Variants in BACE2 observed in about 807,000 individuals in gnomAD.
BACE2 encodes the protein beta-secretase 2.
BACE2 carries 17 observed loss-of-function variants against 46.2 expected under a neutral mutation model. The observed-to-expected ratio is 0.37, with a 90% CI of 0.25 to 0.55. The LOEUF (loss-of-function observed/expected upper bound fraction) is 0.55, where lower values mean the gene tolerates loss of function less well. Among genes scored for constraint, BACE2 ranks in the 20% least tolerant of loss-of-function variants. The pLI, the probability that BACE2 is intolerant of heterozygous loss-of-function variation, is 0.82. For missense variants in BACE2, 595 were observed against 698.1 expected, an observed-to-expected ratio of 0.85 and a Z score of 1.66; for synonymous variants, 277 against 295.9, an observed-to-expected ratio of 0.94 and a Z score of 0.66.
At chr21:41,252,868 A>C (rs1987679234) in intron 7 of BACE2, among the ~76,000 whole-genome samples, 2 of 152,054 alleles carry the variant, frequency 1.3e-5, no homozygotes, top group African/African-American at 2.4e-5. Flanking sequence ...AAAAGGAGAG[A>C]TCTTGGGGAA....
At chr21:41,176,726 C>T (rs1485466830) in intron 1 of BACE2, 1 of 152,180 alleles carries the variant, frequency 6.6e-6, no homozygotes, top group African/African-American at 2.4e-5. Flanking sequence ...CTAGGGGTCT[C>T]ATTCTGAGGC....
At chr21:41,182,339 C>T (rs570127812) in intron 1 of BACE2, 3 of 167,188 alleles carry the variant, frequency 1.8e-5, no homozygotes, top group East Asian at 3.9e-4. Context: ...TTAACAATAC[C>T]TGATAAGGCC....
chr21:41,215,160 A>G (rs1323602659), intron 1 of BACE2, among the ~76,000 whole-genome samples: 3 of 152,118 alleles, frequency 2.0e-5, no homozygotes, highest in Non-Finnish European at 4.4e-5. Context: ...GGAGGAGAGA[A>G]AGAGAGAAAG....
intron 2 of BACE2, among the ~76,000 whole-genome samples, chr21:41,233,568 C>T (rs1987027082): frequency 6.6e-6 from 1 of 152,238 alleles, no homozygotes; most frequent in South Asian, 2.1e-4. Flanking sequence ...TTCTTACTAA[C>T]ACTACAAATT....
rs2088517680 is a variant in BACE2, at chr21:41,278,946, T to A, written c.*3322T>A. ...CAAATAATGGAGTGGAATCCCCATGTGTTTTCTCTTGCACAAACTTATTAG... is the reference window on the plus strand; with the variant it reads ...CAAATAATGGAGTGGAATCCCCATGAGTTTTCTCTTGCACAAACTTATTAG... On this transcript the variant is annotated 3_prime_UTR_variant, in exon 9 of 9. Transcript: ENST00000330333. The A allele has an allele frequency of 6.6e-6, 1 of 152,238 alleles. No homozygotes were observed. Among genetic ancestry groups the A allele is most frequent in the East Asian group, 1.9e-4 (1 of 5,200 alleles). The allele number at this position is 152,238 out of a possible 1,614,324, so 9.4% of individuals were successfully genotyped here. A position where few individuals can be genotyped will look rare whatever the true frequency, so the allele number is the denominator to read the frequency against.
At chr21:41,179,816 T>G (rs531854583) in intron 1 of BACE2, 4 of 465,736 alleles carry the variant, frequency 8.6e-6, no homozygotes, top group South Asian at 7.8e-5. Context: ...TGTCCTGGGC[T>G]GCTTTCTCCA....
chr21:41,233,246 C>T (rs949995136), intron 2 of BACE2, among the ~76,000 whole-genome samples: 1 of 152,182 alleles, frequency 6.6e-6, no homozygotes, highest in African/African-American at 2.4e-5. Flanking sequence ...GTGTTCCAAG[C>T]TTTTGTTCTA....
chr21:41,192,925 A>G (rs1395268799), intron 1 of BACE2, among the ~76,000 whole-genome samples: 4 of 152,272 alleles, frequency 2.6e-5, no homozygotes, highest in Admixed American at 1.3e-4. Flanking sequence ...TAGAAGGAAT[A>G]TCTTGACAAG....
At chr21:41,257,080 T>A in intron 7 of BACE2, 78 bp from the exon 8 acceptor site, 2 of 1,564,214 alleles carry the variant, frequency 1.3e-6, no homozygotes, top group Non-Finnish European at 1.8e-6. Flanking sequence ...TGAGCATGCG[T>A]GTGACCTCAG....
chr21:41,215,754 G>C (rs111745172), intron 1 of BACE2, among the ~76,000 whole-genome samples: 18 of 152,282 alleles, frequency 1.2e-4, no homozygotes, highest in Middle Eastern at 6.8e-3. Context: ...TGTAAAGTGG[G>C]GATCTGTCTA....
In BACE2 at chr21:41,257,344, C is replaced by T. The variant is rs1568889903; in HGVS notation, c.1303+18C>T. The stretch of plus-strand genomic sequence containing the variant: ...CTGTGCAGGTGAGCGATTCTGGCAT[C>T]GAACAGGGATCCCCGACAAGAGTCC... On this transcript the variant is annotated intron_variant, in intron 8 of 8. Transcript: ENST00000330333. 5.6e-6 allele frequency: 9 copies of T among 1,610,200 alleles called. No individual in the cohort carries two copies. The highest frequency in any genetic ancestry group is 2.2e-5 in the East Asian group (1 of 44,798).
intron 2 of BACE2, 36 bp downstream of exon 2, chr21:41,226,390 G>A: frequency 6.4e-7 from 1 of 1,562,936 alleles, no homozygotes; most frequent in Non-Finnish European, 8.7e-7. Flanking sequence ...TGCTGGGCCG[G>A]GGCACTGCAT....
At chr21:41,235,291 A>G (rs2123590583) in intron 2 of BACE2, among the ~76,000 whole-genome samples, 1 of 152,362 alleles carries the variant, frequency 6.6e-6, no homozygotes, top group South Asian at 2.1e-4. Context: ...TTAGAAAAAG[A>G]AACATTTTTC....
rs372472410 is a variant in BACE2, at chr21:41,226,305, G to T, written c.352G>T (p.Val118Leu). 1.2e-6 allele frequency: 2 copies of T among 1,613,850 alleles called. No homozygotes were observed. Among genetic ancestry groups the T allele is most frequent in the Non-Finnish European group, 8.5e-7 (1 of 1,179,988 alleles). ...TGACACTGGAAGCAGTAACTTTGCC[G>T]TGGCAGGAACCCCGCACTCCTACAT... Reference protein sequence around the residue: ...LVDTGSSNFAVAGTPHSYIDT... With the variant: ...LVDTGSSNFALAGTPHSYIDT... The change falls in exon 2 of 9, where the codon GTG becomes TTG. Residue 118 changes from valine (V) to leucine (L), a missense_variant. By Grantham distance (32) the Val-to-Leu change is conservative. Transcript: ENST00000330333.
At chr21:41,220,161 T>A (rs952674342) in intron 1 of BACE2, among the ~76,000 whole-genome samples, 2 of 146,720 alleles carry the variant, frequency 1.4e-5, no homozygotes, top group African/African-American at 5.5e-5. Flanking sequence ...AAGATACAGA[T>A]GAAGAGATGT....
intron 3 of BACE2, among the ~76,000 whole-genome samples, chr21:41,238,128 G>A (rs1338689417): frequency 6.6e-6 from 1 of 152,338 alleles, no homozygotes; most frequent in South Asian, 2.1e-4. Flanking sequence ...ATGCAGGCAG[G>A]GGGTGGTGCC....
At chr21:41,174,830 G>A (rs1467144784) in intron 1 of BACE2, among the ~76,000 whole-genome samples, 1 of 152,158 alleles carries the variant, frequency 6.6e-6, no homozygotes, top group Non-Finnish European at 1.5e-5. Context: ...GGGTCACCCT[G>A]TTTGCCCAGC....
At chr21:41,244,863 C>CTGTGTGTGTGTG (rs58015507) in intron 5 of BACE2, among the ~76,000 whole-genome samples, 3 of 150,512 alleles carry the variant, frequency 2.0e-5, no homozygotes, top group Non-Finnish European at 3.0e-5. Flanking sequence ...TACAAAACCT[C>CTGTGTGTGTGTG]TGTGTGTGTG....
chr21:41,264,578 G>C (rs1204022705), intron 8 of BACE2, among the ~76,000 whole-genome samples: 1 of 152,072 alleles, frequency 6.6e-6, no homozygotes, highest in Non-Finnish European at 1.5e-5. Context: ...TCTTCACGTG[G>C]CCAGAGCAAG....
Sources: gnomAD v4.1 joint callset for allele counts (sites outside exome capture counted in the v4.1 genomes callset) on GRCh38, gnomAD v4.1.1 for gene constraint, MANE v1.5 for transcripts, NCBI Gene and HGNC (gene_info 2026-07-23, HGNC 2026-07-21) for gene names.